ADGRL2: variants seen among roughly 807,000 people sequenced by gnomAD.
ADGRL2 encodes adhesion G protein-coupled receptor L2, also known as calcium-independent alpha-latrotoxin receptor 2.
ADGRL2 carries 44 observed loss-of-function variants against 157.4 expected under a neutral mutation model. The ratio of observed to expected loss-of-function variants is 0.28; its 90% CI spans 0.22 to 0.36. The LOEUF (loss-of-function observed/expected upper bound fraction) is 0.36. Among genes scored for constraint, ADGRL2 ranks in the 10% least tolerant of loss-of-function variants. The probability of loss-of-function intolerance (pLI) is 1.00; values close to 1 mark genes in which losing one functional copy is unlikely to be tolerated. For synonymous variants in ADGRL2, 585 were observed against 624.7 expected (o/e 0.94, Z 0.95); for missense variants, 1,510 against 1,768.9 (o/e 0.85, Z 2.63).
chr1:81,725,270 T>C (rs1312632020), intron 1 of ADGRL2, among the ~76,000 whole-genome samples: 1 of 149,744 alleles, frequency 6.7e-6, no homozygotes, highest in Admixed American at 6.7e-5. Context: ...CCAGGCACGG[T>C]GGCTCTTACT....
At chr1:81,332,760 A>G (rs981321977) in intron 1 of ADGRL2, among the ~76,000 whole-genome samples, 2 of 152,228 alleles carry the variant, frequency 1.3e-5, no homozygotes, top group African/African-American at 4.8e-5. Flanking sequence ...TTCTCCAGTA[A>G]TACATCAAAG....
At chr1:81,586,946 T>G (rs934390860) in intron 3 of ADGRL2, among the ~76,000 whole-genome samples, 1 of 152,022 alleles carries the variant, frequency 6.6e-6, no homozygotes, top group Admixed American at 6.6e-5. Context: ...ATTCAAGCAG[T>G]GATGGACTGA....
intron 1 of ADGRL2, among the ~76,000 whole-genome samples, chr1:81,710,578 C>G (rs187317055): frequency 8.7e-4 from 128 of 147,402 alleles, no homozygotes; most frequent in Middle Eastern, 3.5e-3. Flanking sequence ...TGAGATCACA[C>G]CACTGCACTC....
rs538134220 is a variant in ADGRL2 at position 81,318,798 on chromosome 1, G to A, written c.-302+12289G>A. Among the ~76,000 whole-genome samples the A allele has an allele frequency of 3.9e-5, 6 of 151,928 alleles. No individual in the cohort carries two copies. The East Asian group carries it at 5.8e-4, about 15-fold the overall frequency. On this transcript the variant is annotated intron_variant, in intron 1 of 24. Coordinates refer to the ADGRL2 transcript ENST00000370721. ...AGTCATAAAATTCAGCATTGCTGATGCTTAAGAGCAAACTCACCTCTCTTA... is the reference window on the plus strand; with the variant it reads ...AGTCATAAAATTCAGCATTGCTGATACTTAAGAGCAAACTCACCTCTCTTA...
intron 2 of ADGRL2, among the ~76,000 whole-genome samples, chr1:81,864,033 T>C (rs2093463436): frequency 6.6e-6 from 1 of 152,180 alleles, no homozygotes; most frequent in Non-Finnish European, 1.5e-5. Flanking sequence ...GAATTTAATT[T>C]TTCTTCACGG....
At chr1:81,794,516 T>C (rs1408389972) in intron 2 of ADGRL2, among the ~76,000 whole-genome samples, 1 of 152,226 alleles carries the variant, frequency 6.6e-6, no homozygotes, top group African/African-American at 2.4e-5. Flanking sequence ...TATGTGTTTG[T>C]ATTTCTAACC....
intron 2 of ADGRL2, among the ~76,000 whole-genome samples, chr1:81,530,278 A>G (rs2079565963): frequency 6.6e-6 from 1 of 152,150 alleles, no homozygotes; most frequent in African/African-American, 2.4e-5. Flanking sequence ...CATATTTCAG[A>G]TCAACTCAAG....
intron 1 of ADGRL2, among the ~76,000 whole-genome samples, chr1:81,805,409 T>A (rs1023388386): frequency 1.3e-5 from 2 of 152,178 alleles, no homozygotes; most frequent in African/African-American, 4.8e-5. Flanking sequence ...AGCTCATATT[T>A]TTTATAGTTT....
intron 1 of ADGRL2, among the ~76,000 whole-genome samples, chr1:81,348,019 CAGAG>C (rs1369693284): frequency 6.6e-6 from 1 of 152,200 alleles, no homozygotes; most frequent in Non-Finnish European, 1.5e-5. Flanking sequence ...ACCACAGGCC[CAGAG>C]GGCAAGGCTA....
intron 1 of ADGRL2, among the ~76,000 whole-genome samples, chr1:81,836,567 A>G (rs1571552905): frequency 6.6e-6 from 1 of 152,100 alleles, no homozygotes; most frequent in East Asian, 1.9e-4. Flanking sequence ...GGGGCTATGA[A>G]TACCTAGCAG....
At chr1:81,373,381 C>G (rs1229231767) in intron 1 of ADGRL2, among the ~76,000 whole-genome samples, 1 of 152,102 alleles carries the variant, frequency 6.6e-6, no homozygotes, top group African/African-American at 2.4e-5. Context: ...TTTCCATCTT[C>G]AATTTTCCCA....
intron 2 of ADGRL2, among the ~76,000 whole-genome samples, chr1:81,885,083 A>C (rs1194020853): frequency 6.6e-6 from 1 of 152,172 alleles, no homozygotes; most frequent in Non-Finnish European, 1.5e-5. Context: ...CAATTTATTT[A>C]TTGATTTTGT....
intron 1 of ADGRL2, among the ~76,000 whole-genome samples, chr1:81,826,239 A>G (rs1166348191): frequency 6.6e-6 from 1 of 152,214 alleles, no homozygotes; most frequent in African/African-American, 2.4e-5. Flanking sequence ...ATTTTCTTTT[A>G]CCATTTCACA....
chr1:81,460,026 G>C (rs1248138969), intron 2 of ADGRL2, among the ~76,000 whole-genome samples: 2 of 151,826 alleles, frequency 1.3e-5, no homozygotes, highest in Non-Finnish European at 2.9e-5. Context: ...TGTTATTTTT[G>C]TAATAAGCAG....
intron 2 of ADGRL2, among the ~76,000 whole-genome samples, chr1:81,478,313 G>C (rs1168488727): frequency 6.6e-6 from 1 of 152,182 alleles, no homozygotes. Context: ...CAGGGCTCTA[G>C]ATGATTCTGC....
chr1:81,866,417 T>C (rs189347470), intron 2 of ADGRL2, among the ~76,000 whole-genome samples: 1 of 152,292 alleles, frequency 6.6e-6, no homozygotes, highest in Admixed American at 6.5e-5. Flanking sequence ...ATTTTCCTTT[T>C]TGTTCAAAGT....
At chr1:81,724,805 G>A (rs1320634694) in intron 1 of ADGRL2, among the ~76,000 whole-genome samples, 2 of 152,198 alleles carry the variant, frequency 1.3e-5, no homozygotes, top group African/African-American at 4.8e-5. Flanking sequence ...TAATAAATAA[G>A]TTTATTCAGG....
At chr1:81,746,934 A>C (rs1442809163) in intron 1 of ADGRL2, among the ~76,000 whole-genome samples, 1 of 148,466 alleles carries the variant, frequency 6.7e-6, no homozygotes, top group Non-Finnish European at 1.5e-5. Flanking sequence ...GTATATACAC[A>C]CGTATACACA....
chr1:81,622,702 C>T (rs1198036685), intron 3 of ADGRL2, among the ~76,000 whole-genome samples: 1 of 152,174 alleles, frequency 6.6e-6, no homozygotes, highest in African/African-American at 2.4e-5. Context: ...TTACAGTGAG[C>T]TATAATTGTG....
Sources: allele counts gnomAD v4.1 joint callset (sites outside exome capture counted in the v4.1 genomes callset), GRCh38; gene constraint gnomAD v4.1.1; transcripts MANE v1.5; gene names NCBI Gene and HGNC (gene_info 2026-07-23, HGNC 2026-07-21).